Variants in OCA2 observed in about 807,000 individuals in gnomAD.
The protein encoded by OCA2 is P protein.
Under a neutral mutation model 100.2 loss-of-function variants are expected in OCA2, and 77 were observed. The ratio of observed to expected loss-of-function variants is 0.77; its 90% CI spans 0.64 to 0.93. The LOEUF is 0.93. Ranked by LOEUF, OCA2 falls within the 40% of genes least tolerant of loss-of-function variation. OCA2 has a pLI of 0.00. For missense variants in OCA2, 1,062 were observed against 1,089.1 expected, an observed-to-expected ratio of 0.98 and a Z score of 0.35; for synonymous variants, 432 against 439.2, an observed-to-expected ratio of 0.98 and a Z score of 0.21.
chr15:27,961,264 A>C (rs1237639049), intron 15 of OCA2, among the ~76,000 whole-genome samples: 1 of 152,244 alleles, frequency 6.6e-6, no homozygotes, highest in Non-Finnish European at 1.5e-5. Context: ...ATCTCACTCC[A>C]GTTAGAATGA....
intron 23 of OCA2, among the ~76,000 whole-genome samples, chr15:27,815,364 T>C (rs2034257949): frequency 6.6e-6 from 1 of 152,094 alleles, no homozygotes; most frequent in African/African-American, 2.4e-5. Flanking sequence ...CAGTCAGAAA[T>C]AAGCCCCTCA....
chr15:28,095,654 T>G (rs2044962713), intron 1 of OCA2, among the ~76,000 whole-genome samples: 1 of 144,256 alleles, frequency 6.9e-6, no homozygotes, highest in African/African-American at 2.6e-5. Flanking sequence ...GAGGTGGAGG[T>G]GACGGTGAGC....
At chr15:27,852,272 A>G (rs1245886141) in intron 21 of OCA2, among the ~76,000 whole-genome samples, 2 of 152,156 alleles carry the variant, frequency 1.3e-5, no homozygotes, top group Non-Finnish European at 2.9e-5. Flanking sequence ...TCAGCTTTCT[A>G]CATATGGCTA....
chr15:27,889,806 G>A (rs556803371), intron 19 of OCA2, among the ~76,000 whole-genome samples: 5 of 152,332 alleles, frequency 3.3e-5, no homozygotes, highest in Admixed American at 2.0e-4. Flanking sequence ...CCATGGACAG[G>A]CTGGACAGCA....
At chr15:27,793,002 T>C (rs2033157298) in intron 23 of OCA2, among the ~76,000 whole-genome samples, 2 of 152,202 alleles carry the variant, frequency 1.3e-5, no homozygotes, top group Admixed American at 6.5e-5. Context: ...ATCTGGTGCC[T>C]GCAGGTCCAA....
At chr15:28,091,356 C>T (rs2044867379) in intron 1 of OCA2, among the ~76,000 whole-genome samples, 1 of 152,050 alleles carries the variant, frequency 6.6e-6, no homozygotes, top group Non-Finnish European at 1.5e-5. Flanking sequence ...AAATCAGATA[C>T]AGTACAAAGA....
chr15:27,866,323 T>C (rs1162792979), intron 21 of OCA2, among the ~76,000 whole-genome samples: 2 of 151,968 alleles, frequency 1.3e-5, no homozygotes, highest in African/African-American at 2.4e-5. Context: ...ACCACATCAC[T>C]GAAGATGAGG....
chr15:27,825,005 G>A (rs1307796041), intron 23 of OCA2, among the ~76,000 whole-genome samples: 3 of 152,162 alleles, frequency 2.0e-5, no homozygotes, highest in Non-Finnish European at 4.4e-5. Context: ...AATTAATTAG[G>A]AACTTAGCAG....
At chr15:28,010,900 TAA>T (rs1280651045) in intron 9 of OCA2, among the ~76,000 whole-genome samples, 2 of 152,108 alleles carry the variant, frequency 1.3e-5, no homozygotes, top group East Asian at 3.8e-4. Flanking sequence ...AAAAAAATAA[TAA>T]GTGTGAGGAA....
chr15:27,957,693 C>T lies in OCA2; in HGVS notation c.1679G>A (p.Arg560His), dbSNP rs35110389. ...EIHVWRLTAQ[R>H]ISPASREETA... is the part of the protein sequence containing the mutation. Reference sequence around the variant, plus strand: ...CTCCTCGCGGCTGGCCGGGCTGATGCGCTGAGCAGTCAGGCGCCAGACGTG... The same window carrying T: ...CTCCTCGCGGCTGGCCGGGCTGATGTGCTGAGCAGTCAGGCGCCAGACGTG... The change falls in exon 16 of 24, where the codon CGC (arginine) becomes CAC (histidine). Residue 560 changes from arginine (R) to histidine (H), a missense_variant. Transcript: ENST00000354638. This position sits in a 1 kb window ranked among gnomAD's most constrained non-coding sequence, Gnocchi z 4.3. 1,037 of 1,613,086 alleles carry T rather than the reference C, an allele frequency of 6.4e-4. 6 individuals are homozygous for T. In the African/African-American group the frequency reaches 0.012, roughly 19 times the overall value.
At chr15:28,039,018 T>C (rs1047758053) in intron 2 of OCA2, among the ~76,000 whole-genome samples, 1 of 151,722 alleles carries the variant, frequency 6.6e-6, no homozygotes, top group African/African-American at 2.4e-5. Flanking sequence ...CAAAAGAGAG[T>C]TAAGACGAAA....
chr15:27,852,809 A>C (rs1185858380), intron 21 of OCA2, among the ~76,000 whole-genome samples: 4 of 134,988 alleles, frequency 3.0e-5, no homozygotes, highest in Non-Finnish European at 3.2e-5. Context: ...GCAGCCAAAA[A>C]ACACATGAAA....
chr15:27,801,417 C>T (rs918172045), intron 23 of OCA2, among the ~76,000 whole-genome samples: 8 of 151,722 alleles, frequency 5.3e-5, no homozygotes, highest in African/African-American at 1.7e-4. Flanking sequence ...CTGAGTGTGG[C>T]GGCACACGCC....
intron 23 of OCA2, among the ~76,000 whole-genome samples, chr15:27,797,393 A>G (rs2033389379): frequency 6.6e-6 from 1 of 152,238 alleles, no homozygotes; most frequent in South Asian, 2.1e-4. Flanking sequence ...GAAATTTAGA[A>G]TTGATGTTGG....
At chr15:27,727,323 C>G in the OCA2 span, among the ~76,000 whole-genome samples, 1 of 152,196 alleles carries the variant, frequency 6.6e-6, no homozygotes. Context: ...ACAGTTACTG[C>G]TTTTGTCACT....
intron 12 of OCA2, among the ~76,000 whole-genome samples, chr15:27,986,085 G>A (rs950396294): frequency 6.6e-6 from 1 of 152,204 alleles, no homozygotes; most frequent in African/African-American, 2.4e-5. Flanking sequence ...GGTACATGTT[G>A]AGCTCTCCTC....
chr15:27,967,284 A>G (rs145509375), intron 14 of OCA2, among the ~76,000 whole-genome samples: 8 of 152,266 alleles, frequency 5.3e-5, no homozygotes, highest in Non-Finnish European at 7.4e-5. Flanking sequence ...CCCAACACAA[A>G]GCCCACGAAA....
In OCA2 at chr15:27,893,792, C is replaced by T. The variant is rs991212012; in HGVS notation, c.2080-21870G>A. Among the ~76,000 whole-genome samples the T allele has an allele frequency of 6.6e-5, 10 of 152,250 alleles. No homozygotes were observed. The South Asian group carries it at 1.2e-3, about 19-fold the overall frequency. On this transcript the variant is annotated intron_variant, in intron 19 of 23. Transcript: ENST00000354638. ...ATGTTTATCAAGACAATACGTGCAC[C>T]GCTGAACATAGACCCTTATCAGTGG... is the stretch of plus-strand genomic sequence containing the variant.
intron 23 of OCA2, among the ~76,000 whole-genome samples, chr15:27,833,234 T>A (rs1171085199): frequency 6.6e-6 from 1 of 152,236 alleles, no homozygotes; most frequent in African/African-American, 2.4e-5. Flanking sequence ...AAATAGCATA[T>A]CCTATAGAGG....
Sources: allele counts gnomAD v4.1 joint callset (sites outside exome capture counted in the v4.1 genomes callset), GRCh38; gene constraint gnomAD v4.1.1; non-coding constraint Gnocchi (gnomAD v3.1); transcripts MANE v1.5; gene names NCBI Gene and HGNC (gene_info 2026-07-23, HGNC 2026-07-21).